Variants in ENTPD5 observed in about 807,000 individuals in gnomAD.
ENTPD5 encodes the protein nucleoside diphosphate phosphatase ENTPD5.
Under a neutral mutation model 60.2 loss-of-function variants are expected in ENTPD5, and 49 were observed. That is an observed-to-expected ratio of 0.81 (90% CI 0.65 to 1.03). ENTPD5 has a LOEUF of 1.03. ENTPD5 is among the 50% of genes least tolerant of loss of function. The probability of loss-of-function intolerance (pLI) is 0.00; values close to 1 mark genes in which losing one functional copy is unlikely to be tolerated. For missense variants in ENTPD5, 480 were observed against 507.6 expected, an observed-to-expected ratio of 0.95 and a Z score of 0.52; for synonymous variants, 187 against 185.4, an observed-to-expected ratio of 1.01 and a Z score of -0.07.
chr14:73,959,416 T>C (rs143166397), downstream of ENTPD5: 1 of 1,614,090 alleles, frequency 6.2e-7, no homozygotes, highest in Non-Finnish European at 8.5e-7. Flanking sequence ...TTGACACAGC[T>C]CTCAGACACC....
In ENTPD5 at chr14:73,999,800, AG is replaced by A. The variant is rs560435095; in HGVS notation, c.-71+11290del. On this transcript the variant is annotated intron_variant, in intron 3 of 15. Transcript: ENST00000334696. Reference sequence around the variant, plus strand: ...GGGCGAGACTCCGTCTCAAAAAAAAAGGTAAAGGGCCGGGCGCAGTAGCTTA... The same window carrying A: ...GGGCGAGACTCCGTCTCAAAAAAAAAGTAAAGGGCCGGGCGCAGTAGCTTA... Among the ~76,000 whole-genome samples, 9 of 147,254 alleles carry A rather than the reference AG, an allele frequency of 6.1e-5. No homozygotes were observed. In the East Asian group the frequency reaches 8.2e-4, roughly 13 times the overall value.
intron 3 of ENTPD5, among the ~76,000 whole-genome samples, chr14:74,001,645 C>T (rs908504669): frequency 8.6e-5 from 11 of 128,334 alleles, no homozygotes; most frequent in South Asian, 4.9e-4. Flanking sequence ...TCCAGCCTGG[C>T]GAGAGAGCAA....
chr14:74,006,056 T>C (rs1484362365), intron 3 of ENTPD5, among the ~76,000 whole-genome samples: 4 of 152,106 alleles, frequency 2.6e-5, no homozygotes, highest in Admixed American at 2.6e-4. Flanking sequence ...TGGCATGATC[T>C]TGGCTCACCA....
At chr14:73,961,806 C>A (rs776203781), downstream of ENTPD5, 5 of 1,614,212 alleles carry the variant, frequency 3.1e-6, no homozygotes, top group Non-Finnish European at 3.4e-6. Context: ...CTGGCTGCTA[C>A]AGACTTACTA....
At chr14:74,001,738 T>C (rs948653286) in intron 3 of ENTPD5, among the ~76,000 whole-genome samples, 3 of 144,436 alleles carry the variant, frequency 2.1e-5, no homozygotes, top group Non-Finnish European at 3.0e-5. Flanking sequence ...GTCTCAACTA[T>C]TCAGGAGGCT....
intron 3 of ENTPD5, among the ~76,000 whole-genome samples, chr14:74,001,616 C>T (rs1180000526): frequency 3.1e-5 from 4 of 127,778 alleles, no homozygotes; most frequent in African/African-American, 1.2e-4. Flanking sequence ...TGCAGTGAGC[C>T]GAGATCATGC....
intron 15 of ENTPD5, among the ~76,000 whole-genome samples, chr14:73,969,252 A>C (rs2057115141): frequency 6.6e-6 from 1 of 152,238 alleles, no homozygotes. Context: ...TATTAGCAGC[A>C]GAGACAGGCA....
chr14:73,976,204 ATT>A (rs1296957893), intron 9 of ENTPD5, 118 bp downstream of exon 9: 2 of 912,186 alleles, frequency 2.2e-6, no homozygotes, highest in Non-Finnish European at 3.5e-6. Flanking sequence ...CTAGTTATTA[ATT>A]GACTTGACTC....
intron 3 of ENTPD5, among the ~76,000 whole-genome samples, chr14:74,005,274 AAAAAAAAG>A (rs1229197658): frequency 0.013 from 1,650 of 125,326 alleles, 23 homozygotes; most frequent in African/African-American, 0.043. Flanking sequence ...TCAAAAAAAA[AAAAAAAAG>A]AAAAAAAGAA....
chr14:74,003,535 G>A, intron 3 of ENTPD5: 1 of 849,030 alleles, frequency 1.2e-6, no homozygotes, highest in Non-Finnish European at 1.9e-6. Context: ...GCCAGATGCT[G>A]GGGATGCTGG....
chr14:74,018,661 G>A (rs72723802), intron 1 of ENTPD5: 2,575 of 152,228 alleles, frequency 0.017, 61 homozygotes, highest in East Asian at 0.054. Flanking sequence ...GGGGGCGGTC[G>A]TGGGCAGGAA....
At chr14:74,003,550 A>G in intron 3 of ENTPD5, 1 of 752,748 alleles carries the variant, frequency 1.3e-6, no homozygotes, top group Non-Finnish European at 2.2e-6. Flanking sequence ...TGCTGGTACA[A>G]GTTGTGGGAC....
At chr14:73,975,121 C>T in intron 10 of ENTPD5, 136 bp from the exon 11 acceptor site, 1 of 690,272 alleles carries the variant, frequency 1.4e-6, no homozygotes, top group Non-Finnish European at 2.5e-6. Context: ...ACATATTCAT[C>T]TCCTGTGGTC....
downstream of ENTPD5, chr14:73,955,870 T>TA (rs2056406887): frequency 6.2e-7 from 1 of 1,614,056 alleles, no homozygotes; most frequent in African/African-American, 1.3e-5. Flanking sequence ...ACATGGGCTA[T>TA]ATCGTGGAGA....
At chr14:73,961,167 G>C (rs1454566280), downstream of ENTPD5, 1 of 1,612,944 alleles carries the variant, frequency 6.2e-7, no homozygotes, top group Admixed American at 1.7e-5. Flanking sequence ...GGCTGATGCT[G>C]CTCAGTGGAG....
At chr14:74,018,178 AG>A (rs1221878295) in intron 1 of ENTPD5, among the ~76,000 whole-genome samples, 1 of 137,892 alleles carries the variant, frequency 7.3e-6, no homozygotes, top group Admixed American at 7.5e-5. Context: ...ACTCTCTCTC[AG>A]AAAAAAAAAA....
rs2056906569 is a variant in ENTPD5 at position 73,964,799 on chromosome 14, A to C, written c.*2129T>G. On this transcript the variant is annotated 3_prime_UTR_variant, in exon 16 of 16. Coordinates refer to ENST00000334696, the MANE Select transcript of ENTPD5 (RefSeq NM_001249.5). ...CAAAAGATCCAAAGATTTTGGAAGG[A>C]GAGATTAGAGCAGAACTAAGACCAC... 1 of 152,238 alleles carries C rather than the reference A, an allele frequency of 6.6e-6. No individual in the cohort carries two copies. The highest frequency in any genetic ancestry group is 1.5e-5 in the Non-Finnish European group (1 of 68,034). 9.4% of individuals were successfully genotyped at this position (152,238 alleles called of 1,614,324 possible). A position where few individuals can be genotyped will look rare whatever the true frequency, so the allele number is the denominator to read the frequency against.
intron 3 of ENTPD5, among the ~76,000 whole-genome samples, chr14:74,009,912 C>T (rs941852787): frequency 6.6e-6 from 1 of 152,154 alleles, no homozygotes; most frequent in African/African-American, 2.4e-5. Flanking sequence ...CTGCCACAGC[C>T]TCCTGAGTAG....
In ENTPD5 at chr14:74,001,427, G is replaced by A. The variant is rs564008200; in HGVS notation, c.-71+9664C>T. Among the ~76,000 whole-genome samples the A allele has an allele frequency of 3.3e-5, 5 of 151,860 alleles. No individual in the cohort carries two copies. In the East Asian group the frequency reaches 7.8e-4, roughly 24 times the overall value. On this transcript the variant is annotated intron_variant, in intron 3 of 15. Coordinates refer to ENST00000334696, the MANE Select transcript of ENTPD5 (RefSeq NM_001249.5). ...TTAGGCAGGAGAATGACGTGAACCT[G>A]GGAGGCCGAGCTTGCAGTGAGCCGA...
Sources: allele counts gnomAD v4.1 joint callset (sites outside exome capture counted in the v4.1 genomes callset), GRCh38; gene constraint gnomAD v4.1.1; transcripts MANE v1.5; gene names NCBI Gene and HGNC (gene_info 2026-07-23, HGNC 2026-07-21).